The following PKIB variants were observed in gnomAD, a reference collection of about 807,000 sequenced individuals.
PKIB encodes the protein PKI-beta.
PKIB carries 2 observed loss-of-function variants against 4.5 expected under a neutral mutation model. The observed-to-expected ratio is 0.44, with a 90% CI of 0.18 to 1.39. The LOEUF is 1.39. PKIB is among the 40% of genes most tolerant of loss of function. The probability of loss-of-function intolerance (pLI) is 0.27; values close to 1 mark genes in which losing one functional copy is unlikely to be tolerated. For synonymous variants in PKIB, 38 were observed against 36.0 expected (o/e 1.06, Z -0.20); for missense variants, 94 against 92.6 (o/e 1.02, Z -0.06).
At chr6:122,559,685 T>C (rs1772960749) in intron 2 of PKIB, among the ~76,000 whole-genome samples, 1 of 152,192 alleles carries the variant, frequency 6.6e-6, no homozygotes, top group African/African-American at 2.4e-5. Flanking sequence ...GCATGAGATG[T>C]GTTTCCATTT....
intron 2 of PKIB, among the ~76,000 whole-genome samples, chr6:122,567,842 TAGAG>T (rs1236884818): frequency 6.6e-6 from 1 of 152,082 alleles, no homozygotes; most frequent in Non-Finnish European, 1.5e-5. Context: ...CAATAACCTC[TAGAG>T]AGAAGGAGGT....
intron 2 of PKIB, among the ~76,000 whole-genome samples, chr6:122,667,372 C>T (rs1332611561): frequency 6.6e-6 from 1 of 152,004 alleles, no homozygotes; most frequent in East Asian, 1.9e-4. Flanking sequence ...CCCGTCTCTA[C>T]CAAAAATACA....
intron 3 of PKIB, among the ~76,000 whole-genome samples, chr6:122,601,281 A>G (rs1292759738): frequency 2.0e-5 from 3 of 152,178 alleles, no homozygotes; most frequent in African/African-American, 7.2e-5. Context: ...AAGAAAGTCA[A>G]TAGGCCTCAA....
intron 2 of PKIB, among the ~76,000 whole-genome samples, chr6:122,639,107 G>A (rs1393207923): frequency 6.6e-6 from 1 of 152,166 alleles, no homozygotes; most frequent in South Asian, 2.1e-4. Context: ...TAGCCATTTT[G>A]TTTTAAGCAC....
chr6:122,572,026 A>C (rs909323581), intron 2 of PKIB, among the ~76,000 whole-genome samples: 7 of 152,102 alleles, frequency 4.6e-5, no homozygotes, highest in South Asian at 2.1e-4. Flanking sequence ...ACATAAACTC[A>C]TGGTTAAGGG....
At chr6:122,621,237 T>A (rs1314518934) in intron 1 of PKIB, among the ~76,000 whole-genome samples, 1 of 152,170 alleles carries the variant, frequency 6.6e-6, no homozygotes, top group Non-Finnish European at 1.5e-5. Context: ...ATTAATGAGA[T>A]TAGAAACAGA....
intron 2 of PKIB, among the ~76,000 whole-genome samples, chr6:122,576,685 A>ATATAT (rs1773541122): frequency 2.8e-5 from 1 of 36,290 alleles, no homozygotes; most frequent in Non-Finnish European, 5.2e-5. Flanking sequence ...AAAAAAAAAA[A>ATATAT]AAAAATATAT....
At chr6:122,522,133 G>C (rs533720485) in intron 2 of PKIB, among the ~76,000 whole-genome samples, 1 of 136,866 alleles carries the variant, frequency 7.3e-6, no homozygotes, top group East Asian at 2.1e-4. Context: ...TGAACAGCAA[G>C]TAATAAGTCA....
intron 2 of PKIB, among the ~76,000 whole-genome samples, chr6:122,520,669 C>CCG: frequency 8.4e-6 from 1 of 119,294 alleles, no homozygotes; most frequent in Non-Finnish European, 1.6e-5. Context: ...GTTCCCACCC[C>CCG]CCCCCCACCA....
intron 2 of PKIB, among the ~76,000 whole-genome samples, chr6:122,550,173 C>T (rs1348426068): frequency 6.6e-6 from 1 of 152,040 alleles, no homozygotes; most frequent in African/African-American, 2.4e-5. Context: ...CCTCAGTCTC[C>T]CAGAGTGCTA....
At chr6:122,571,964 G>A (rs1034279892) in intron 2 of PKIB, among the ~76,000 whole-genome samples, 5 of 152,076 alleles carry the variant, frequency 3.3e-5, no homozygotes, top group African/African-American at 9.7e-5. Flanking sequence ...TTAAAAAACC[G>A]CTAACCAAAT....
chr6:122,560,883 T>C (rs1173848980), intron 2 of PKIB, among the ~76,000 whole-genome samples: 1 of 152,154 alleles, frequency 6.6e-6, no homozygotes, highest in East Asian at 1.9e-4. Flanking sequence ...GTGTCAGTTG[T>C]AATGTCTTCT....
chr6:122,596,803 T>C (rs1229982977), intron 3 of PKIB, among the ~76,000 whole-genome samples: 1 of 152,346 alleles, frequency 6.6e-6, no homozygotes, highest in African/African-American at 2.4e-5. Context: ...TCGGGTCATA[T>C]GGCCCAAGTG....
At chr6:122,505,894 C>A (rs892500558) in intron 2 of PKIB, among the ~76,000 whole-genome samples, 1 of 151,868 alleles carries the variant, frequency 6.6e-6, no homozygotes, top group African/African-American at 2.4e-5. Context: ...AATTGTTGGT[C>A]TGTTTAGGTC....
At chr6:122,484,804 G>T (rs1196716780) in intron 2 of PKIB, among the ~76,000 whole-genome samples, 1 of 152,178 alleles carries the variant, frequency 6.6e-6, no homozygotes, top group Non-Finnish European at 1.5e-5. Context: ...GGTCTGAGAA[G>T]GACTCCGTAC....
chr6:122,575,566 C>T lies in PKIB; in HGVS notation c.-247-10355C>T, dbSNP rs369750049. Among the ~76,000 whole-genome samples the T allele has an allele frequency of 2.6e-5, 4 of 152,178 alleles. No homozygotes were observed. In the South Asian group the frequency reaches 8.3e-4, roughly 32 times the overall value. Reference sequence around the variant, plus strand: ...ATAAAGAAAATGTGATATATATACCCCATGGAATACTACTCAGCCATAAAA... The same window carrying T: ...ATAAAGAAAATGTGATATATATACCTCATGGAATACTACTCAGCCATAAAA... On this transcript the variant is annotated intron_variant, in intron 2 of 6. Coordinates refer to the PKIB transcript ENST00000392491.
intron 3 of PKIB, among the ~76,000 whole-genome samples, chr6:122,594,452 G>A (rs1168688539): frequency 3.9e-5 from 6 of 152,254 alleles, no homozygotes; most frequent in East Asian, 3.9e-4. Flanking sequence ...TGATCTGCCC[G>A]CCTCAGCCTC....
intron 2 of PKIB, among the ~76,000 whole-genome samples, chr6:122,495,154 C>T (rs1436095747): frequency 6.6e-6 from 1 of 152,120 alleles, no homozygotes; most frequent in Non-Finnish European, 1.5e-5. Flanking sequence ...GACAGCTCCT[C>T]ATTCTTCTGA....
chr6:122,507,209 T>C (rs943350051), intron 2 of PKIB, among the ~76,000 whole-genome samples: 7 of 152,146 alleles, frequency 4.6e-5, no homozygotes, highest in African/African-American at 1.4e-4. Flanking sequence ...AGGCAACTGA[T>C]AGTTGGCCCT....
Sources: gnomAD v4.1 joint callset for allele counts (sites outside exome capture counted in the v4.1 genomes callset) on GRCh38, gnomAD v4.1.1 for gene constraint, MANE v1.5 for transcripts, NCBI Gene and HGNC (gene_info 2026-07-23, HGNC 2026-07-21) for gene names.